EPB41L4A: variants seen among roughly 807,000 people sequenced by gnomAD.
EPB41L4A encodes the protein band 4.1-like protein 4A.
A neutral mutation model predicts 108.6 loss-of-function variants in EPB41L4A; 100 were observed. The observed-to-expected ratio is 0.92, with a 90% CI of 0.78 to 1.09. The LOEUF (loss-of-function observed/expected upper bound fraction) is 1.09. Ranked by LOEUF, EPB41L4A falls within the 50% of genes least tolerant of loss-of-function variation. The pLI, the probability that EPB41L4A is intolerant of heterozygous loss-of-function variation, is 0.00. For synonymous variants in EPB41L4A, 319 were observed against 289.0 expected (o/e 1.10, Z -1.05); for missense variants, 1,030 against 842.7 (o/e 1.22, Z -2.75).
chr5:112,346,270 G>C (rs1341579662), intron 1 of EPB41L4A, among the ~76,000 whole-genome samples: 3 of 126,106 alleles, frequency 2.4e-5, no homozygotes, highest in African/African-American at 5.6e-5. Context: ...CTGTCGTCTA[G>C]GCTGGAGTGC....
intron 1 of EPB41L4A, among the ~76,000 whole-genome samples, chr5:112,383,141 A>G (rs537484446): frequency 2.0e-5 from 3 of 152,228 alleles, no homozygotes; most frequent in Admixed American, 6.5e-5. Context: ...ATTCCATTTA[A>G]TGTAACTTAG....
rs982487545 is a variant in EPB41L4A at position 112,209,882 on chromosome 5, C to T, written c.1178+10G>A. The T allele has an allele frequency of 1.3e-6, 2 of 1,545,010 alleles. No individual in the cohort carries two copies. Among genetic ancestry groups the T allele is most frequent in the African/African-American group, 1.4e-5 (1 of 73,332 alleles). ...TATAATTGTACGTTTCTTCAGTTAACTTCACTGACCTTTTTACTGGTGAAG... is the reference window on the plus strand; with the variant it reads ...TATAATTGTACGTTTCTTCAGTTAATTTCACTGACCTTTTTACTGGTGAAG... On this transcript the variant is annotated intron_variant, in intron 13 of 22. Coordinates refer to ENST00000261486, the MANE Select transcript of EPB41L4A (RefSeq NM_022140.5).
At chr5:112,306,099 T>C (rs1167283658) in intron 2 of EPB41L4A, among the ~76,000 whole-genome samples, 1 of 152,154 alleles carries the variant, frequency 6.6e-6, no homozygotes, top group Non-Finnish European at 1.5e-5. Flanking sequence ...AGACAGTCAA[T>C]CTTTCCAGGC....
At chr5:112,338,157 T>C (rs1757045878) in intron 1 of EPB41L4A, among the ~76,000 whole-genome samples, 1 of 152,106 alleles carries the variant, frequency 6.6e-6, no homozygotes, top group Non-Finnish European at 1.5e-5. Flanking sequence ...ATGAATACAG[T>C]GAAATTCCTC....
In EPB41L4A at chr5:112,419,082, G is replaced by T; in HGVS notation, c.-43C>A. ...CCAGCCAGGAGAGAAAGCTACCACCGAGGCGCCCAGCCGCCCCCTCCACTC... is the reference window on the plus strand; with the variant it reads ...CCAGCCAGGAGAGAAAGCTACCACCTAGGCGCCCAGCCGCCCCCTCCACTC... On this transcript the variant is annotated 5_prime_UTR_variant, in exon 1 of 23. Transcript: ENST00000261486. 1.2e-5 allele frequency: 18 copies of T among 1,474,462 alleles called. No individual in the cohort carries two copies. Among genetic ancestry groups the T allele is most frequent in the Non-Finnish European group, 1.5e-5 (16 of 1,055,582 alleles). The allele number at this position is 1,474,462 out of a possible 1,614,324, so 91.3% of individuals were successfully genotyped here.
intron 6 of EPB41L4A, 130 bp downstream of exon 6, chr5:112,264,766 T>C: frequency 1.2e-6 from 1 of 820,166 alleles, no homozygotes. Context: ...TCAGTTAAAC[T>C]ATACAAAGAG....
chr5:112,162,091 G>C (rs1456897807), downstream of EPB41L4A: 1 of 152,210 alleles, frequency 6.6e-6, no homozygotes, highest in East Asian at 1.9e-4. Context: ...CCAAGTTCTT[G>C]ATTAAAATGT....
At chr5:112,367,147 T>A (rs1200078206) in intron 1 of EPB41L4A, among the ~76,000 whole-genome samples, 3 of 152,152 alleles carry the variant, frequency 2.0e-5, no homozygotes, top group Non-Finnish European at 4.4e-5. Context: ...GAGGCTCCTC[T>A]TTCAACAGCC....
Position 112,419,065 on chromosome 5 carries a change from G to C in EPB41L4A, c.-26C>G, listed in dbSNP as rs757622494. On this transcript the variant is annotated 5_prime_UTR_variant, in exon 1 of 23. Coordinates refer to ENST00000261486, the MANE Select transcript of EPB41L4A (RefSeq NM_022140.5). ...GTCGGTTGTGGTCGTCTCCAGCCAG[G>C]AGAGAAAGCTACCACCGAGGCGCCC... is the stretch of plus-strand genomic sequence containing the variant. 3.8e-6 allele frequency: 6 copies of C among 1,583,256 alleles called. No homozygotes were observed. The highest frequency in any genetic ancestry group is 2.3e-5 in the East Asian group (1 of 44,394).
chr5:112,335,420 G>C (rs529891206), intron 1 of EPB41L4A, among the ~76,000 whole-genome samples: 3 of 152,304 alleles, frequency 2.0e-5, no homozygotes, highest in African/African-American at 7.2e-5. Flanking sequence ...AATCTTACCA[G>C]ATCTATATAG....
rs564192907 is a variant in EPB41L4A at position 112,202,371 on chromosome 5, A to T, written c.1376+2004T>A. On this transcript the variant is annotated intron_variant, in intron 15 of 22. Transcript: ENST00000261486. The stretch of plus-strand genomic sequence containing the variant: ...CCTTCAGTCCAGAGGCAGTAAAAGC[A>T]GCTAGATCTCTTGAGTTACACCACT... Among the ~76,000 whole-genome samples, 5 of 152,318 alleles carry T rather than the reference A, an allele frequency of 3.3e-5. No homozygotes were observed. In the East Asian group the frequency reaches 9.6e-4, roughly 29 times the overall value.
At chr5:112,194,434 G>A (rs950101678) in intron 17 of EPB41L4A, 134 bp downstream of exon 17, 1 of 543,530 alleles carries the variant, frequency 1.8e-6, no homozygotes, top group East Asian at 3.2e-5. Context: ...CCTAAACTAA[G>A]TGCTTCAAAA....
At chr5:112,419,603 G>A, upstream of EPB41L4A, 1 of 454,918 alleles carries the variant, frequency 2.2e-6, no homozygotes, top group South Asian at 1.6e-5. Flanking sequence ...CGAGTATGAA[G>A]CGCTCGGCTT....
At chr5:112,405,927 C>T (rs1188307331) in intron 1 of EPB41L4A, among the ~76,000 whole-genome samples, 4 of 152,166 alleles carry the variant, frequency 2.6e-5, no homozygotes, top group South Asian at 2.1e-4. Context: ...ATCCTGGATG[C>T]TACTAGGTAC....
rs933120367 is a variant in EPB41L4A at position 112,307,289 on chromosome 5, G to A, written c.204+97C>T. Reference sequence around the variant, plus strand: ...TGAGATTTTCAAAGTCTTTTTCAGTGACAAAGAACCTAACCACCTAAAACC... The same window carrying A: ...TGAGATTTTCAAAGTCTTTTTCAGTAACAAAGAACCTAACCACCTAAAACC... On this transcript the variant is annotated intron_variant, in intron 2 of 22. Coordinates refer to ENST00000261486, the MANE Select transcript of EPB41L4A (RefSeq NM_022140.5). The A allele has an allele frequency of 1.0e-4, 76 of 728,402 alleles. 1 individual carries two copies. The highest frequency in any genetic ancestry group is 5.8e-5 in the Non-Finnish European group (25 of 433,964). The allele number at this position is 728,402 out of a possible 1,614,324, so 45.1% of individuals were successfully genotyped here.
intron 1 of EPB41L4A, among the ~76,000 whole-genome samples, chr5:112,311,400 T>C (rs1231129238): frequency 6.6e-6 from 1 of 152,112 alleles, no homozygotes; most frequent in East Asian, 1.9e-4. Context: ...TAAAATAAAT[T>C]CTATCCAATG....
chr5:112,326,692 G>C (rs532802080), intron 1 of EPB41L4A, among the ~76,000 whole-genome samples: 1 of 152,178 alleles, frequency 6.6e-6, no homozygotes, highest in Non-Finnish European at 1.5e-5. Flanking sequence ...CAAAATGCCA[G>C]TACTCTCCTG....
chr5:112,385,575 T>C (rs1760467213), intron 1 of EPB41L4A, among the ~76,000 whole-genome samples: 1 of 151,840 alleles, frequency 6.6e-6, no homozygotes, highest in South Asian at 2.1e-4. Context: ...TAAAAAATCC[T>C]TTAACCAGTC....
chr5:112,211,095 C>T (rs894892383), intron 12 of EPB41L4A, among the ~76,000 whole-genome samples: 13 of 152,172 alleles, frequency 8.5e-5, no homozygotes, highest in Non-Finnish European at 1.9e-4. Flanking sequence ...TCAATGTTAT[C>T]TCATTTTAAA....
Sources: allele counts gnomAD v4.1 joint callset (sites outside exome capture counted in the v4.1 genomes callset), GRCh38; gene constraint gnomAD v4.1.1; transcripts MANE v1.5; gene names NCBI Gene and HGNC (gene_info 2026-07-23, HGNC 2026-07-21).